Variants in PLXNA4 observed in about 807,000 individuals in gnomAD.
PLXNA4 encodes the protein plexin A4.
Under a neutral mutation model 191.8 loss-of-function variants are expected in PLXNA4, and 44 were observed. That is an observed-to-expected ratio of 0.23 (90% confidence interval 0.18 to 0.29). PLXNA4 has a LOEUF of 0.29. PLXNA4 is among the 10% of genes least tolerant of loss of function. PLXNA4 has a pLI of 1.00. For synonymous variants in PLXNA4, 1,082 were observed against 1,009.5 expected (o/e 1.07, Z -1.36); for missense variants, 1,800 against 2,488.8 (o/e 0.72, Z 5.89).
intron 3 of PLXNA4, among the ~76,000 whole-genome samples, chr7:132,453,079 G>A (rs1368108907): frequency 5.3e-5 from 8 of 152,148 alleles, no homozygotes; most frequent in Admixed American, 5.2e-4. Context: ...TTATGTAGAG[G>A]CCCCAAAATG....
At chr7:132,518,852 C>T (rs541736428) in intron 1 of PLXNA4, among the ~76,000 whole-genome samples, 25 of 152,292 alleles carry the variant, frequency 1.6e-4, no homozygotes, top group African/African-American at 6.0e-4. Context: ...TTTCCCTCCC[C>T]CAGGCCTCCT....
At chr7:132,583,431 G>A (rs185237887) in intron 2 of PLXNA4, among the ~76,000 whole-genome samples, 1 of 152,314 alleles carries the variant, frequency 6.6e-6, no homozygotes, top group Admixed American at 6.5e-5. Flanking sequence ...TTCTCCTTGA[G>A]GACTTCTCGC....
intron 1 of PLXNA4, among the ~76,000 whole-genome samples, chr7:132,548,400 G>A (rs1484127355): frequency 2.0e-5 from 3 of 152,306 alleles, no homozygotes; most frequent in East Asian, 1.9e-4. Context: ...CCACCATTTT[G>A]TATGTATTTG....
At chr7:132,566,007 G>T (rs1250400328) in intron 1 of PLXNA4, among the ~76,000 whole-genome samples, 1 of 152,200 alleles carries the variant, frequency 6.6e-6, no homozygotes, top group Non-Finnish European at 1.5e-5. Flanking sequence ...TTGATTTACT[G>T]CTAATTCATT....
At chr7:132,396,812 C>T (rs1793783155) in intron 3 of PLXNA4, among the ~76,000 whole-genome samples, 1 of 152,252 alleles carries the variant, frequency 6.6e-6, no homozygotes, top group East Asian at 1.9e-4. Context: ...GACTTTGAAC[C>T]TCAGGAGGCT....
At chr7:132,396,593 C>T (rs1793773661) in intron 3 of PLXNA4, among the ~76,000 whole-genome samples, 1 of 152,200 alleles carries the variant, frequency 6.6e-6, no homozygotes, top group Non-Finnish European at 1.5e-5. Flanking sequence ...CAGGTTCAAG[C>T]AATTCTCATG....
intron 14 of PLXNA4, among the ~76,000 whole-genome samples, chr7:132,188,302 G>C (rs1562908180): frequency 6.6e-6 from 1 of 152,248 alleles, no homozygotes; most frequent in Non-Finnish European, 1.5e-5. Flanking sequence ...GCTCTTGACA[G>C]CTGGGGATTT....
intron 3 of PLXNA4, among the ~76,000 whole-genome samples, chr7:132,476,409 C>G (rs1797130958): frequency 6.6e-6 from 1 of 152,214 alleles, no homozygotes; most frequent in Non-Finnish European, 1.5e-5. Context: ...AAAAACTTGG[C>G]AGTCTACAAA....
intron 10 of PLXNA4, among the ~76,000 whole-genome samples, chr7:132,206,471 T>TGTGTGTGTGC (rs563340948): frequency 1.3e-5 from 2 of 148,830 alleles, no homozygotes; most frequent in East Asian, 2.0e-4. Flanking sequence ...TGTGTGTGTG[T>TGTGTGTGTGC]GCGCATGTGT....
At chr7:132,422,397 G>C (rs1794880607) in intron 3 of PLXNA4, among the ~76,000 whole-genome samples, 1 of 152,198 alleles carries the variant, frequency 6.6e-6, no homozygotes, top group Non-Finnish European at 1.5e-5. Context: ...TGCACACACA[G>C]AGAAGCACGG....
chr7:132,415,448 G>A (rs572803579), intron 3 of PLXNA4, among the ~76,000 whole-genome samples: 1 of 152,318 alleles, frequency 6.6e-6, no homozygotes, highest in South Asian at 2.1e-4. Flanking sequence ...CTGCTCTGGT[G>A]CAGGGAACAG....
At chr7:132,176,738 G>C (rs890582211) in intron 20 of PLXNA4, among the ~76,000 whole-genome samples, 27 of 152,272 alleles carry the variant, frequency 1.8e-4, no homozygotes, top group African/African-American at 6.3e-4. Context: ...GTGTATGTGT[G>C]TGAATGTGAG....
chr7:132,560,079 T>C (rs1158739453), intron 1 of PLXNA4, among the ~76,000 whole-genome samples: 1 of 152,224 alleles, frequency 6.6e-6, no homozygotes, highest in African/African-American at 2.4e-5. Context: ...GACTTTGTCC[T>C]ACCTCCCAGA....
chr7:132,172,549 G>A (rs896238974), intron 21 of PLXNA4, among the ~76,000 whole-genome samples: 1 of 150,032 alleles, frequency 6.7e-6, no homozygotes, highest in Non-Finnish European at 1.5e-5. Context: ...AGAACACCAA[G>A]GGGGAGAAAC....
At chr7:132,563,223 C>A in intron 1 of PLXNA4, among the ~76,000 whole-genome samples, 1 of 116,868 alleles carries the variant, frequency 8.6e-6, no homozygotes, top group Non-Finnish European at 1.8e-5. Context: ...TCCTCCTTCT[C>A]CTCCTCTTTC....
chr7:132,330,585 CT>C (rs1227180957), intron 3 of PLXNA4, among the ~76,000 whole-genome samples: 2 of 152,226 alleles, frequency 1.3e-5, no homozygotes, highest in Non-Finnish European at 2.9e-5. Flanking sequence ...GGGCATTGCA[CT>C]GGGGATCCTG....
chr7:132,482,318 G>A (rs371979101), intron 3 of PLXNA4, among the ~76,000 whole-genome samples: 6 of 152,294 alleles, frequency 3.9e-5, no homozygotes, highest in South Asian at 4.1e-4. Context: ...CTCAGACATC[G>A]TTCTAGAGAA....
At chr7:132,506,189 C>T (rs1046042659) in intron 2 of PLXNA4, among the ~76,000 whole-genome samples, 1 of 152,138 alleles carries the variant, frequency 6.6e-6, no homozygotes, top group Non-Finnish European at 1.5e-5. Context: ...CTTTCTCCTC[C>T]CTCTTCCCTA....
intron 4 of PLXNA4, among the ~76,000 whole-genome samples, chr7:132,272,721 C>A (rs1800123881): frequency 6.6e-6 from 1 of 152,148 alleles, no homozygotes; most frequent in African/African-American, 2.4e-5. Flanking sequence ...TATAGCTTCC[C>A]TTAAGACACA....
Sources: allele counts gnomAD v4.1 joint callset (sites outside exome capture counted in the v4.1 genomes callset), GRCh38; gene constraint gnomAD v4.1.1; transcripts MANE v1.5; gene names NCBI Gene and HGNC (gene_info 2026-07-23, HGNC 2026-07-21).